Variants in GRIN2A observed in about 807,000 individuals in gnomAD.
The protein encoded by GRIN2A is glutamate ionotropic receptor NMDA type subunit 2A, also known as glutamate receptor ionotropic, NMDA 2A.
A neutral mutation model predicts 113.4 loss-of-function variants in GRIN2A; 22 were observed. The ratio of observed to expected loss-of-function variants is 0.19; its 90% confidence interval spans 0.14 to 0.28. GRIN2A has a LOEUF of 0.28. Among genes scored for constraint, GRIN2A ranks in the 10% least tolerant of loss-of-function variants. GRIN2A has a pLI of 1.00. For missense variants in GRIN2A, 1,502 were observed against 1,887.0 expected (o/e 0.80, Z 3.78); for synonymous variants, 827 against 738.4 (o/e 1.12, Z -1.94).
chr16:10,088,093 A>G (rs536323392), intron 2 of GRIN2A, among the ~76,000 whole-genome samples: 2 of 152,174 alleles, frequency 1.3e-5, no homozygotes, highest in African/African-American at 4.8e-5. Flanking sequence ...CCTTGTTGAA[A>G]GCTTTTGTTG....
intron 2 of GRIN2A, among the ~76,000 whole-genome samples, chr16:10,158,619 C>T (rs541299036): frequency 3.3e-5 from 5 of 152,288 alleles, no homozygotes; most frequent in East Asian, 1.9e-4. Flanking sequence ...ATTCATGCTA[C>T]GACATGGATG....
intron 2 of GRIN2A, among the ~76,000 whole-genome samples, chr16:9,999,579 C>T (rs1021865899): frequency 3.3e-5 from 5 of 151,996 alleles, no homozygotes; most frequent in African/African-American, 9.7e-5. Context: ...ACATCACACA[C>T]TGGGCCTGTC....
intron 10 of GRIN2A, among the ~76,000 whole-genome samples, chr16:9,810,104 C>T (rs1275393649): frequency 6.6e-6 from 1 of 152,120 alleles, no homozygotes; most frequent in African/African-American, 2.4e-5. Flanking sequence ...TGAGGGCTAC[C>T]TAAACAACTG....
intron 2 of GRIN2A, among the ~76,000 whole-genome samples, chr16:10,026,291 A>C (rs980092452): frequency 1.3e-5 from 2 of 152,192 alleles, no homozygotes; most frequent in Non-Finnish European, 2.9e-5. Context: ...GTATAACAAG[A>C]GTAATAAAAA....
At chr16:9,949,454 G>C (rs769269454) in intron 2 of GRIN2A, among the ~76,000 whole-genome samples, 2 of 151,892 alleles carry the variant, frequency 1.3e-5, no homozygotes, top group Admixed American at 6.6e-5. Flanking sequence ...TGAATGGATG[G>C]GTGGGCAGAT....
At chr16:10,164,964 T>A (rs2049881301) in intron 2 of GRIN2A, among the ~76,000 whole-genome samples, 1 of 152,234 alleles carries the variant, frequency 6.6e-6, no homozygotes, top group African/African-American at 2.4e-5. Context: ...GACATAGTTA[T>A]TAGAAGTGTC....
chr16:10,008,051 A>C (rs2046436012), intron 2 of GRIN2A, among the ~76,000 whole-genome samples: 1 of 152,212 alleles, frequency 6.6e-6, no homozygotes, highest in South Asian at 2.1e-4. Context: ...AGTACATGGC[A>C]TACAGTAGGC....
At chr16:9,873,443 G>A (rs1364066364) in intron 4 of GRIN2A, among the ~76,000 whole-genome samples, 1 of 152,124 alleles carries the variant, frequency 6.6e-6, no homozygotes, top group Non-Finnish European at 1.5e-5. Flanking sequence ...GCTCATGCCT[G>A]TAATCCCAGC....
chr16:10,174,714 A>G (rs2050109553), intron 2 of GRIN2A, among the ~76,000 whole-genome samples: 1 of 152,188 alleles, frequency 6.6e-6, no homozygotes, highest in Non-Finnish European at 1.5e-5. Flanking sequence ...GATAGTCAAA[A>G]TAATAGACCA....
At chr16:10,165,020 G>T (rs2049882375) in intron 2 of GRIN2A, among the ~76,000 whole-genome samples, 1 of 152,152 alleles carries the variant, frequency 6.6e-6, no homozygotes. Flanking sequence ...ACCTTAATTG[G>T]TTCTGTATTG....
chr16:9,938,795 T>A (rs1281233272), intron 2 of GRIN2A, among the ~76,000 whole-genome samples: 1 of 152,186 alleles, frequency 6.6e-6, no homozygotes, highest in Non-Finnish European at 1.5e-5. Context: ...TTGCTTATCA[T>A]CTATTCTTCT....
At chr16:10,135,218 C>A (rs1015845942) in intron 2 of GRIN2A, among the ~76,000 whole-genome samples, 9 of 152,212 alleles carry the variant, frequency 5.9e-5, no homozygotes, top group Non-Finnish European at 1.3e-4. Flanking sequence ...GATAAATGCT[C>A]TGCCACTATA....
In GRIN2A at chr16:9,763,475, G is replaced by C. The variant is rs763809945; in HGVS notation, c.4069C>G (p.Leu1357Val). ...TTATCGGAGGTGTGGTCTGGCAAGAGAGACTTGCTCCTCTTGCTGTCCTCC... is the reference window on the plus strand; with the variant it reads ...TTATCGGAGGTGTGGTCTGGCAAGACAGACTTGCTCCTCTTGCTGTCCTCC... ...GLEDSKRSKS[L>V]LPDHTSDNPF... Residue 1357 changes from leucine (L) to valine (V), a missense_variant, in exon 13 of 13, where the codon CTC (leucine) becomes GTC (valine). Around this residue, in one of 7 missense-constraint regions of GRIN2A, gnomAD observed 832 missense variants for 789.7 expected, o/e 1.05. Coordinates refer to ENST00000330684, the MANE Select transcript of GRIN2A (RefSeq NM_001134407.3). 4 of 1,614,096 alleles carry C rather than the reference G, an allele frequency of 2.5e-6. No homozygotes were observed. The highest frequency in any genetic ancestry group is 3.4e-6 in the Non-Finnish European group (4 of 1,179,992).
At chr16:9,971,065 G>A (rs1429151298) in intron 2 of GRIN2A, among the ~76,000 whole-genome samples, 1 of 152,158 alleles carries the variant, frequency 6.6e-6, no homozygotes, top group Non-Finnish European at 1.5e-5. Context: ...GATGATCAAG[G>A]CATGAACAAA....
At chr16:9,801,439 C>T (rs1903354961) in intron 10 of GRIN2A, among the ~76,000 whole-genome samples, 1 of 152,200 alleles carries the variant, frequency 6.6e-6, no homozygotes, top group Admixed American at 6.5e-5. Flanking sequence ...CTTCTCCTAT[C>T]CTGCTAAGCC....
At chr16:10,113,452 G>T (rs1054498023) in intron 2 of GRIN2A, among the ~76,000 whole-genome samples, 2 of 152,142 alleles carry the variant, frequency 1.3e-5, no homozygotes, top group African/African-American at 4.8e-5. Context: ...GCTCATGGCC[G>T]CCTGCCCATC....
In GRIN2A at chr16:9,772,922, C is replaced by CAAAAAA. The variant is rs71400490; in HGVS notation, c.2357-3839_2357-3834dup. 3.1e-4 allele frequency among the ~76,000 whole-genome samples: 33 copies of CAAAAAA among 104,940 alleles called. 1 individual carries two copies. The highest frequency in any genetic ancestry group is 1.0e-3 in the South Asian group (3 of 2,914). The allele number at this position is 104,940 out of a possible 152,430, so 68.8% of individuals were successfully genotyped here. On this transcript the variant is annotated intron_variant, in intron 11 of 12. Coordinates refer to ENST00000330684, the MANE Select transcript of GRIN2A (RefSeq NM_001134407.3). ...AACATGGTAAAGCAGACTTCAATTT[C>CAAAAAA]AAAAAAAAAAAAAAAAAAAAAGAGC...
chr16:10,075,185 C>T (rs951451544), intron 2 of GRIN2A, among the ~76,000 whole-genome samples: 6 of 152,044 alleles, frequency 3.9e-5, no homozygotes, highest in Admixed American at 1.3e-4. Flanking sequence ...CAGTACCTGG[C>T]GCGTAGTCAG....
At chr16:10,079,907 C>G (rs2032107010) in intron 2 of GRIN2A, among the ~76,000 whole-genome samples, 1 of 152,168 alleles carries the variant, frequency 6.6e-6, no homozygotes, top group Non-Finnish European at 1.5e-5. Context: ...TCAGAGAACC[C>G]TGGGTGCAAT....
Sources: gnomAD v4.1 joint callset for allele counts (sites outside exome capture counted in the v4.1 genomes callset) on GRCh38, gnomAD v4.1.1 for gene constraint, gnomAD v4.1.1 regional missense constraint, MANE v1.5 for transcripts, NCBI Gene and HGNC (gene_info 2026-07-23, HGNC 2026-07-21) for gene names.